Variants in SPMIP2 observed in about 807,000 individuals in gnomAD.
SPMIP2 encodes protein SPMIP2.
the SPMIP2 span, among the ~76,000 whole-genome samples, chr4:159,002,766 G>GCACACACACA: frequency 2.8e-4 from 42 of 148,188 alleles, no homozygotes; most frequent in Middle Eastern, 0.017. Flanking sequence ...ACATATCACT[G>GCACACACACA]CACACACACA....
the SPMIP2 span, among the ~76,000 whole-genome samples, chr4:158,945,372 G>A: frequency 6.6e-6 from 1 of 152,134 alleles, no homozygotes; most frequent in Non-Finnish European, 1.5e-5. Flanking sequence ...CCCTACACGA[G>A]GAGCAGTTTG....
chr4:158,958,456 A>AT, the SPMIP2 span, among the ~76,000 whole-genome samples: 1 of 152,142 alleles, frequency 6.6e-6, no homozygotes, highest in Admixed American at 6.5e-5. Flanking sequence ...TTTAAAAGCC[A>AT]TGTTGTTGCT....
the SPMIP2 span, among the ~76,000 whole-genome samples, chr4:159,082,240 G>A: frequency 9.1e-4 from 139 of 151,996 alleles, no homozygotes; most frequent in African/African-American, 3.2e-3. Context: ...AGCTGAGGCA[G>A]GAGAATCACT....
At chr4:158,988,284 C>A in the SPMIP2 span, among the ~76,000 whole-genome samples, 1 of 152,102 alleles carries the variant, frequency 6.6e-6, no homozygotes. Flanking sequence ...CAGGACCAGA[C>A]AGATTCACAG....
At chr4:158,909,558 G>GAGGGGTACTGTGATGGT in the SPMIP2 span, 3 of 151,022 alleles carry the variant, frequency 2.0e-5, no homozygotes, top group African/African-American at 7.3e-5. Context: ...CACAATGGAT[G>GAGGGGTACTGTGATGGT]AGGGGTACTG....
the SPMIP2 span, among the ~76,000 whole-genome samples, chr4:158,929,052 G>C: frequency 6.6e-6 from 1 of 152,212 alleles, no homozygotes; most frequent in East Asian, 1.9e-4. Context: ...GTGAGACAAA[G>C]AACCCACCAA....
chr4:159,025,163 G>A, the SPMIP2 span, among the ~76,000 whole-genome samples: 1 of 152,194 alleles, frequency 6.6e-6, no homozygotes, highest in South Asian at 2.1e-4. Flanking sequence ...GGATCTTGAT[G>A]GAAATGCCGA....
chr4:159,025,549 T>C, the SPMIP2 span, among the ~76,000 whole-genome samples: 10 of 152,128 alleles, frequency 6.6e-5, no homozygotes, highest in East Asian at 1.3e-3. Flanking sequence ...AATCTTAGAT[T>C]ATTTCTTCCT....
the SPMIP2 span, among the ~76,000 whole-genome samples, chr4:159,073,206 T>G: frequency 6.6e-6 from 1 of 152,138 alleles, no homozygotes; most frequent in African/African-American, 2.4e-5. Flanking sequence ...CAGGCTGGAG[T>G]GCAGTGGCGC....
At chr4:159,045,971 C>G in the SPMIP2 span, among the ~76,000 whole-genome samples, 1 of 152,078 alleles carries the variant, frequency 6.6e-6, no homozygotes, top group East Asian at 1.9e-4. Context: ...CAGCTGAGGC[C>G]GGGCACGGTG....
the SPMIP2 span, among the ~76,000 whole-genome samples, chr4:159,044,499 A>C: frequency 6.6e-6 from 1 of 152,250 alleles, no homozygotes; most frequent in Non-Finnish European, 1.5e-5. Context: ...AGTTAAAAAA[A>C]AATCAAGTCA....
chr4:158,960,318 A>C, the SPMIP2 span: 7 of 1,569,698 alleles, frequency 4.5e-6, no homozygotes, highest in Non-Finnish European at 6.1e-6. Context: ...TTATTGAATC[A>C]AGAGAAGCTT....
the SPMIP2 span, among the ~76,000 whole-genome samples, chr4:158,967,398 A>G: frequency 6.6e-6 from 1 of 152,210 alleles, no homozygotes; most frequent in Non-Finnish European, 1.5e-5. Flanking sequence ...CCAGCCCTTA[A>G]GGATGAAAGG....
At chr4:159,044,451 C>T in the SPMIP2 span, among the ~76,000 whole-genome samples, 1 of 151,580 alleles carries the variant, frequency 6.6e-6, no homozygotes, top group Non-Finnish European at 1.5e-5. Context: ...AACCAGAGGC[C>T]CCTCCCCTCC....
the SPMIP2 span, among the ~76,000 whole-genome samples, chr4:159,050,356 T>C: frequency 6.7e-6 from 1 of 150,188 alleles, no homozygotes; most frequent in Admixed American, 6.7e-5. Context: ...TTAATAAATA[T>C]GTCTGCAATT....
At chr4:159,066,589 TTATA>T in the SPMIP2 span, among the ~76,000 whole-genome samples, 862 of 76,594 alleles carry the variant, frequency 0.011, 11 homozygotes, top group African/African-American at 0.03. Flanking sequence ...TGTGTGTATT[TTATA>T]TATATATATA....
chr4:159,080,634 C>T, the SPMIP2 span, among the ~76,000 whole-genome samples: 1 of 152,212 alleles, frequency 6.6e-6, no homozygotes, highest in Admixed American at 6.5e-5. Context: ...GAGTGCCCCC[C>T]ACCATCTATT....
chr4:158,946,287 A>T, the SPMIP2 span, among the ~76,000 whole-genome samples: 1 of 152,220 alleles, frequency 6.6e-6, no homozygotes, highest in Non-Finnish European at 1.5e-5. Context: ...TAGCTTTTCA[A>T]AGACCAATGA....
the SPMIP2 span, among the ~76,000 whole-genome samples, chr4:158,960,889 C>G: frequency 5.3e-5 from 8 of 150,946 alleles, no homozygotes; most frequent in South Asian, 1.7e-3. Context: ...AAGTAATTCC[C>G]ACCCACCCCC....
Sources: allele counts gnomAD v4.1 joint callset (sites outside exome capture counted in the v4.1 genomes callset), GRCh38; gene constraint gnomAD v4.1.1; transcripts MANE v1.5; gene names NCBI Gene and HGNC (gene_info 2026-07-23, HGNC 2026-07-21).